DAB1: variants seen among roughly 807,000 people sequenced by gnomAD.
DAB1 encodes DAB adaptor protein 1.
A neutral mutation model predicts 64.6 loss-of-function variants in DAB1; 15 were observed. The ratio of observed to expected loss-of-function variants is 0.23; its 90% confidence interval spans 0.16 to 0.36. The LOEUF (loss-of-function observed/expected upper bound fraction) is 0.36. Among genes scored for constraint, DAB1 ranks in the 10% least tolerant of loss-of-function variants. DAB1 has a pLI of 1.00. For synonymous variants in DAB1, 235 were observed against 251.9 expected (o/e 0.93, Z 0.64); for missense variants, 596 against 706.7 (o/e 0.84, Z 1.78).
chr1:57,259,642 A>T (rs1246515510), intron 2 of DAB1, among the ~76,000 whole-genome samples: 2 of 152,182 alleles, frequency 1.3e-5, no homozygotes, highest in African/African-American at 4.8e-5. Flanking sequence ...AGTAAAGGAC[A>T]CACAGTTGAA....
chr1:58,283,890 C>T (rs970304676), intron 4 of DAB1, among the ~76,000 whole-genome samples: 63 of 152,206 alleles, frequency 4.1e-4, no homozygotes, highest in African/African-American at 1.5e-3. Context: ...GATTTGTCTA[C>T]AGTCCTAGTT....
intron 7 of DAB1, among the ~76,000 whole-genome samples, chr1:57,645,366 G>A (rs1046291816): frequency 1.3e-5 from 2 of 152,126 alleles, no homozygotes; most frequent in South Asian, 2.1e-4. Context: ...TTAGCAGTGA[G>A]GTCATTTTCC....
chr1:57,701,655 G>A lies in DAB1; in HGVS notation n.552-51990C>T, dbSNP rs1646909397. On this transcript the variant is annotated intron_variant and non_coding_transcript_variant, in intron 6 of 20. Coordinates refer to the DAB1 transcript ENST00000485760. ...ACATGTATACATATGTAACAAACCT[G>A]CATGTTGTGCATATGTACCCTAAAA... 2.0e-5 allele frequency among the ~76,000 whole-genome samples: 3 copies of A among 151,612 alleles called. No homozygotes were observed. In the South Asian group the frequency reaches 6.3e-4, roughly 32 times the overall value.
chr1:57,513,346 T>G (rs1186864344), intron 7 of DAB1, among the ~76,000 whole-genome samples: 1 of 152,130 alleles, frequency 6.6e-6, no homozygotes, highest in Admixed American at 6.5e-5. Context: ...AGATGTCATT[T>G]CCTTAATGAG....
At chr1:57,232,371 C>A (rs1038302849) in intron 2 of DAB1, among the ~76,000 whole-genome samples, 6 of 138,416 alleles carry the variant, frequency 4.3e-5, no homozygotes, top group African/African-American at 1.6e-4. Context: ...GTATTAGCTT[C>A]ATAGATATTC....
At chr1:57,509,647 A>G (rs1301014604) in intron 7 of DAB1, among the ~76,000 whole-genome samples, 1 of 151,942 alleles carries the variant, frequency 6.6e-6, no homozygotes, top group Non-Finnish European at 1.5e-5. Flanking sequence ...ATTCTATAAA[A>G]CCATCCTCAA....
At chr1:57,876,968 G>T (rs535428021) in intron 1 of DAB1, 1 of 152,310 alleles carries the variant, frequency 6.6e-6, no homozygotes, top group African/African-American at 2.4e-5. Context: ...TTGCAGTGAG[G>T]AAGGGGCTTT....
chr1:57,722,788 T>C (rs1177785237), intron 6 of DAB1, among the ~76,000 whole-genome samples: 1 of 152,184 alleles, frequency 6.6e-6, no homozygotes, highest in African/African-American at 2.4e-5. Flanking sequence ...CAGGTGGCAC[T>C]GACATATGAA....
intron 6 of DAB1, among the ~76,000 whole-genome samples, chr1:57,716,049 A>G (rs1339112566): frequency 6.6e-6 from 1 of 152,160 alleles, no homozygotes; most frequent in Non-Finnish European, 1.5e-5. Context: ...AGCTGGGATT[A>G]CAGGCACCTG....
At chr1:57,317,979 C>T (rs736109) in intron 1 of DAB1, among the ~76,000 whole-genome samples, 67,177 of 151,680 alleles carry the variant, frequency 0.44, 15,951 homozygotes, top group East Asian at 0.89. Flanking sequence ...ATGGACTATG[C>T]GTTTGTAAAT....
chr1:57,744,438 C>CAA (rs61701604), intron 6 of DAB1, among the ~76,000 whole-genome samples: 14 of 118,190 alleles, frequency 1.2e-4, no homozygotes, highest in South Asian at 5.4e-4. Flanking sequence ...AACTCTGTCT[C>CAA]AAAAAAAAAA....
intron 7 of DAB1, among the ~76,000 whole-genome samples, chr1:57,537,562 T>C (rs1042835353): frequency 6.6e-6 from 1 of 151,914 alleles, no homozygotes; most frequent in Non-Finnish European, 1.5e-5. Flanking sequence ...GAGCCCAGAC[T>C]TTTTTTTCAA....
intron 5 of DAB1, among the ~76,000 whole-genome samples, chr1:58,019,242 T>C (rs549766202): frequency 9.8e-5 from 15 of 152,306 alleles, no homozygotes; most frequent in African/African-American, 3.1e-4. Context: ...TTTTAAATTA[T>C]GGAAAAGTTC....
At chr1:58,228,588 A>G in intron 4 of DAB1, 1 of 519,348 alleles carries the variant, frequency 1.9e-6, no homozygotes, top group Admixed American at 2.5e-5. Context: ...GAAGCCCTGC[A>G]TCTAGGGCTT....
intron 5 of DAB1, among the ~76,000 whole-genome samples, chr1:58,052,506 T>C (rs1005642748): frequency 1.4e-4 from 22 of 152,220 alleles, no homozygotes; most frequent in African/African-American, 5.3e-4. Context: ...TCTTTTGGCT[T>C]AGGATTGACT....
chr1:57,732,434 A>G (rs1374611910), intron 6 of DAB1, among the ~76,000 whole-genome samples: 3 of 152,232 alleles, frequency 2.0e-5, no homozygotes, highest in Non-Finnish European at 4.4e-5. Context: ...AGAGAGGCTC[A>G]TCAGTGTTGA....
intron 2 of DAB1, among the ~76,000 whole-genome samples, chr1:57,178,165 T>A (rs1358739234): frequency 6.6e-6 from 1 of 152,048 alleles, no homozygotes; most frequent in Non-Finnish European, 1.5e-5. Flanking sequence ...ATGGAAATAA[T>A]CACTCTGGGA....
chr1:58,414,249 G>A (rs992766733), intron 3 of DAB1, among the ~76,000 whole-genome samples: 2 of 152,118 alleles, frequency 1.3e-5, no homozygotes, highest in African/African-American at 4.8e-5. Context: ...CCAAACTAGG[G>A]CTACAGTACT....
At chr1:57,518,607 C>T (rs1046089692) in intron 7 of DAB1, among the ~76,000 whole-genome samples, 2 of 152,112 alleles carry the variant, frequency 1.3e-5, no homozygotes, top group African/African-American at 4.8e-5. Flanking sequence ...CACAGCTTGT[C>T]CCCCTGCTTC....
Sources: gnomAD v4.1 joint callset for allele counts (sites outside exome capture counted in the v4.1 genomes callset) on GRCh38, gnomAD v4.1.1 for gene constraint, MANE v1.5 for transcripts, NCBI Gene and HGNC (gene_info 2026-07-23, HGNC 2026-07-21) for gene names.